Variants in ABCC3 observed in about 807,000 individuals in gnomAD.
ABCC3 encodes ATP-binding cassette sub-family C member 3.
Under a neutral mutation model 165.3 loss-of-function variants are expected in ABCC3, and 121 were observed. The observed-to-expected ratio is 0.73, with a 90% CI of 0.63 to 0.85. The LOEUF (loss-of-function observed/expected upper bound fraction) is 0.85, where lower values mean the gene tolerates loss of function less well. Ranked by LOEUF, ABCC3 falls within the 40% of genes least tolerant of loss-of-function variation. ABCC3 has a pLI of 0.00. For synonymous variants in ABCC3, 733 were observed against 810.1 expected, an observed-to-expected ratio of 0.90 and a Z score of 1.62; for missense variants, 1,869 against 1,964.1, an observed-to-expected ratio of 0.95 and a Z score of 0.92.
At position 50,676,297 on chromosome 17, in the gene ABCC3, A is replaced by C; in HGVS notation, c.3087A>C (p.Ala1029=). 5 of 1,613,216 alleles carry C rather than the reference A, an allele frequency of 3.1e-6. No individual in the cohort carries two copies. The highest frequency in any genetic ancestry group is 3.4e-6 in the Non-Finnish European group (4 of 1,179,480). ...CAACAGGGTTCTTGGTGATGCTGGC[A>C]GCCATGGCCATGGCAGCGGGTGGCA... ...GILQGFLVML[A]AMAMAAGGIQ... The change falls in exon 23 of 31, where the codon GCA becomes GCC. Residue 1029 remains alanine (A), a synonymous_variant. Coordinates refer to ENST00000285238, the MANE Select transcript of ABCC3 (RefSeq NM_003786.4).
chr17:50,676,485 A>C lies in ABCC3; in HGVS notation c.3275A>C (p.Asn1092Thr), dbSNP rs141660105. The change falls in exon 23 of 31, where the codon AAT becomes ACT. Residue 1092 changes from asparagine to threonine, a missense_variant. Asn to Thr is a moderately conservative substitution (Grantham distance 65, BLOSUM62 0). Coordinates refer to ENST00000285238, the MANE Select transcript of ABCC3 (RefSeq NM_003786.4). ...GCCCCTGTCATCCTCATGCTGCTCA[A>C]TTCCTTCTTCAACGCCATCTCCACT... is the stretch of plus-strand genomic sequence containing the variant. ...VLAPVILMLL[N>T]SFFNAISTLV... 1.7e-5 allele frequency: 27 copies of C among 1,613,274 alleles called. No individual in the cohort carries two copies. Among genetic ancestry groups the C allele is most frequent in the Non-Finnish European group, 2.2e-5 (26 of 1,179,786 alleles).
chr17:50,648,277 A>G (rs1967042354), intron 1 of ABCC3, among the ~76,000 whole-genome samples: 1 of 152,224 alleles, frequency 6.6e-6, no homozygotes, highest in African/African-American at 2.4e-5. Context: ...AACTGAAACC[A>G]AAGGCCATTT....
chr17:50,644,027 G>A (rs755086529), intron 1 of ABCC3, among the ~76,000 whole-genome samples: 9 of 152,100 alleles, frequency 5.9e-5, no homozygotes, highest in Non-Finnish European at 1.0e-4. Flanking sequence ...AAGAAGGGAA[G>A]GCAGGCCAGG....
Position 50,636,965 on chromosome 17 carries a change from G to A in ABCC3, c.45+1984G>A, listed in dbSNP as rs553386747. Among the ~76,000 whole-genome samples the A allele has an allele frequency of 3.3e-5, 5 of 152,282 alleles. No homozygotes were observed. The South Asian group carries it at 6.2e-4, about 19-fold the overall frequency. On this transcript the variant is annotated intron_variant, in intron 1 of 30. Coordinates refer to ENST00000285238, the MANE Select transcript of ABCC3 (RefSeq NM_003786.4). ...GTGCTGGGCTGGGAAACCGGACCCC[G>A]GGGCTGTGGTTACAGGGTTGCCATT... is the stretch of plus-strand genomic sequence containing the variant.
intron 26 of ABCC3, among the ~76,000 whole-genome samples, chr17:50,682,825 C>G (rs1191743758): frequency 6.6e-6 from 1 of 152,166 alleles, no homozygotes; most frequent in African/African-American, 2.4e-5. Flanking sequence ...GTCCCCACTG[C>G]CTGGCACTGG....
Position 50,690,063 on chromosome 17 carries a change from G to T in ABCC3, c.4476-1029G>T, listed in dbSNP as rs1968091389. On this transcript the variant is annotated intron_variant, in intron 30 of 30. Transcript: ENST00000285238. ...TGTAAGGAAGGGATGCACCAGCCAG[G>T]CCTGAAAGAATGAGTAAGAGTTGGA... Among the ~76,000 whole-genome samples, 4 of 152,200 alleles carry T rather than the reference G, an allele frequency of 2.6e-5. No individual in the cohort carries two copies. In the South Asian group the frequency reaches 8.3e-4, roughly 32 times the overall value.
intron 10 of ABCC3, 132 bp from the exon 11 acceptor site, chr17:50,665,021 C>T (rs760409491): frequency 4.8e-4 from 354 of 737,412 alleles, no homozygotes; most frequent in Non-Finnish European, 7.2e-4. Flanking sequence ...ATCTGTTTGG[C>T]CAACCACCAT....
chr17:50,680,939 G>C (rs1967916089), intron 26 of ABCC3, among the ~76,000 whole-genome samples: 1 of 152,136 alleles, frequency 6.6e-6, no homozygotes. Context: ...AGCTGGGCGT[G>C]GTGGTGCACA....
chr17:50,658,802 C>T (rs1471308709), intron 6 of ABCC3, among the ~76,000 whole-genome samples: 1 of 152,256 alleles, frequency 6.6e-6, no homozygotes, highest in Non-Finnish European at 1.5e-5. Flanking sequence ...TTGTGATAAA[C>T]TTGCAGCCTG....
Position 50,659,251 on chromosome 17 carries a change from G to C in ABCC3, c.689G>C (p.Gly230Ala), listed in dbSNP as rs757915424. The change falls in exon 7 of 31, where the codon GGC (glycine) becomes GCC (alanine). Residue 230 changes from glycine to alanine, a missense_variant. By Grantham distance (60) the Gly-to-Ala change is moderately conservative. Transcript: ENST00000285238. ...FWWFTKMAIY[G>A]YRHPLEEKDL... ...CCTCCCCCCAGGATGGCCATCTATG[G>C]CTACCGGCATCCCCTGGAGGAGAAG... The C allele has an allele frequency of 6.2e-7, 1 of 1,613,824 alleles. No homozygotes were observed. The highest frequency in any genetic ancestry group is 8.5e-7 in the Non-Finnish European group (1 of 1,179,824).
At chr17:50,647,406 G>A (rs1287235536) in intron 1 of ABCC3, among the ~76,000 whole-genome samples, 1 of 152,190 alleles carries the variant, frequency 6.6e-6, no homozygotes, top group Non-Finnish European at 1.5e-5. Flanking sequence ...ACTTTGAGAG[G>A]TATTGAATAT....
At position 50,659,155 on chromosome 17, in the gene ABCC3, C is replaced by T. The variant is rs755402436; in HGVS notation, c.675-82C>T. ...CCCTCCTTTCTGGAGACCCTGGGGC[C>T]CTGGAGACACTGACCCTTGGCTCCA... On this transcript the variant is annotated intron_variant, in intron 6 of 30. Transcript: ENST00000285238. 1.5e-5 allele frequency: 23 copies of T among 1,551,944 alleles called. No individual in the cohort carries two copies. The Admixed American group carries it at 1.6e-4, about 11-fold the overall frequency.
intron 4 of ABCC3, among the ~76,000 whole-genome samples, 173 bp downstream of exon 4, chr17:50,657,356 C>T (rs772580852): frequency 2.0e-5 from 3 of 152,176 alleles, no homozygotes; most frequent in Non-Finnish European, 2.9e-5. Context: ...GAGGAGGGGG[C>T]ACCAGTGTAA....
intron 30 of ABCC3, among the ~76,000 whole-genome samples, chr17:50,689,425 C>T (rs146988487): frequency 7.1e-4 from 108 of 152,288 alleles, no homozygotes; most frequent in African/African-American, 2.0e-3. Context: ...AGAAGCCTCA[C>T]GGGAGTGAAC....
intron 1 of ABCC3, among the ~76,000 whole-genome samples, chr17:50,645,321 C>T (rs1468012148): frequency 1.4e-5 from 2 of 138,944 alleles, no homozygotes; most frequent in African/African-American, 2.7e-5. Flanking sequence ...TTGCAGTAAG[C>T]CAAGATTGTG....
In ABCC3 at chr17:50,645,004, C is replaced by G. The variant is rs552392762; in HGVS notation, c.45+10023C>G. Among the ~76,000 whole-genome samples the G allele has an allele frequency of 2.0e-5, 3 of 151,680 alleles. No homozygotes were observed. The East Asian group carries it at 5.8e-4, about 30-fold the overall frequency. On this transcript the variant is annotated intron_variant, in intron 1 of 30. Transcript: ENST00000285238. ...CTGCACTCCAGCCTGGGCGACAGAG[C>G]GAGACTCCGTCTCAAAAACAAGCAA...
intron 17 of ABCC3, among the ~76,000 whole-genome samples, chr17:50,671,116 T>A (rs1967638624): frequency 6.6e-6 from 1 of 151,606 alleles, no homozygotes; most frequent in Non-Finnish European, 1.5e-5. Context: ...ATTAGCCGAG[T>A]GTGATGGCGT....
intron 10 of ABCC3, 132 bp downstream of exon 10, chr17:50,664,243 A>T (rs1967470086): frequency 2.3e-6 from 3 of 1,278,184 alleles, no homozygotes; most frequent in East Asian, 2.4e-5. Flanking sequence ...AGGCAAGAGG[A>T]TCACTTGAGC....
chr17:50,668,348 C>T, intron 13 of ABCC3, 82 bp from the exon 14 acceptor site: 1 of 1,276,000 alleles, frequency 7.8e-7, no homozygotes, highest in Non-Finnish European at 1.1e-6. Flanking sequence ...CTGCCTAGCC[C>T]AGGATGCTGG....
Sources: gnomAD v4.1 joint callset for allele counts (sites outside exome capture counted in the v4.1 genomes callset) on GRCh38, gnomAD v4.1.1 for gene constraint, MANE v1.5 for transcripts, NCBI Gene and HGNC (gene_info 2026-07-23, HGNC 2026-07-21) for gene names.